OSBPL10: variants seen among roughly 807,000 people sequenced by gnomAD.
OSBPL10 encodes oxysterol binding protein like 10.
Under a neutral mutation model 81.7 loss-of-function variants are expected in OSBPL10, and 49 were observed. That is an observed-to-expected ratio of 0.60 (90% CI 0.48 to 0.76). OSBPL10 has a LOEUF of 0.76. OSBPL10 is among the 30% of genes least tolerant of loss of function. The pLI, the probability that OSBPL10 is intolerant of heterozygous loss-of-function variation, is 0.00. For synonymous variants in OSBPL10, 419 were observed against 383.6 expected, an observed-to-expected ratio of 1.09 and a Z score of -1.08; for missense variants, 923 against 987.8, an observed-to-expected ratio of 0.93 and a Z score of 0.88.
At chr3:31,901,016 T>C (rs1163549884) in intron 1 of OSBPL10, among the ~76,000 whole-genome samples, 1 of 152,250 alleles carries the variant, frequency 6.6e-6, no homozygotes, top group Non-Finnish European at 1.5e-5. Flanking sequence ...GCAACTCTAC[T>C]GTAAATCTAA....
intron 8 of OSBPL10, among the ~76,000 whole-genome samples, chr3:31,677,832 A>AG (rs953529482): frequency 9.9e-5 from 15 of 152,084 alleles, no homozygotes; most frequent in Admixed American, 7.2e-4. Flanking sequence ...CTGTAATCCC[A>AG]GCACTTTGGG....
chr3:31,942,681 C>T (rs1171964818), intron 1 of OSBPL10, among the ~76,000 whole-genome samples: 1 of 151,890 alleles, frequency 6.6e-6, no homozygotes, highest in Admixed American at 6.6e-5. Context: ...ATTTAAAGCA[C>T]AGGCATGTCT....
rs895171120 is a variant in OSBPL10 at position 31,940,619 on chromosome 3, C to A, written c.281+40280G>T. Among the ~76,000 whole-genome samples the A allele has an allele frequency of 3.3e-5, 5 of 152,262 alleles. No individual in the cohort carries two copies. In the East Asian group the frequency reaches 9.7e-4, roughly 29 times the overall value. On this transcript the variant is annotated intron_variant, in intron 1 of 11. Transcript: ENST00000396556. Reference sequence around the variant, plus strand: ...ATTCTCTGTACTCCTTCTTCGTCACCTTCCTTCACAGGCTACCCTGCTCTC... The same window carrying A: ...ATTCTCTGTACTCCTTCTTCGTCACATTCCTTCACAGGCTACCCTGCTCTC...
intron 4 of OSBPL10, among the ~76,000 whole-genome samples, chr3:31,755,381 A>T (rs376235385): frequency 6.6e-6 from 1 of 152,358 alleles, no homozygotes; most frequent in East Asian, 1.9e-4. Context: ...AAGCAGATCT[A>T]ACTGGCCGGT....
rs538118130 is a variant in OSBPL10 at position 31,825,045 on chromosome 3, G to A, written c.729+4995C>T. On this transcript the variant is annotated intron_variant, in intron 4 of 11. Coordinates refer to ENST00000396556, the MANE Select transcript of OSBPL10 (RefSeq NM_017784.5). Reference sequence around the variant, plus strand: ...GAAGGGGCACTGAGGGTTGGGGGATGGAGGAGTGCACACTGCAGGAAGCTG... The same window carrying A: ...GAAGGGGCACTGAGGGTTGGGGGATAGAGGAGTGCACACTGCAGGAAGCTG... 9.2e-5 allele frequency among the ~76,000 whole-genome samples: 14 copies of A among 152,274 alleles called. 1 individual carries two copies. Among genetic ancestry groups the A allele is most frequent in the African/African-American group, 3.4e-4 (14 of 41,572 alleles).
rs957968393 is a variant in OSBPL10 at position 32,065,322 on chromosome 3, G to A, written n.185+12074C>T. 3.2e-5 allele frequency: 3 copies of A among 93,652 alleles called. 1 individual carries two copies. The highest frequency in any genetic ancestry group is 8.6e-5 in the Non-Finnish European group (3 of 34,978). 5.8% of individuals were successfully genotyped at this position (93,652 alleles called of 1,614,324 possible). On this transcript the variant is annotated intron_variant and non_coding_transcript_variant, in intron 1 of 3. Coordinates refer to the OSBPL10 transcript ENST00000479173. Reference sequence around the variant, plus strand: ...CATTTTCAGGCTTTCCACTTCTGGAGAGCTTGAATCTTGTAATCATGTCAT... The same window carrying A: ...CATTTTCAGGCTTTCCACTTCTGGAAAGCTTGAATCTTGTAATCATGTCAT...
chr3:31,871,295 C>T (rs1355365727), intron 3 of OSBPL10, among the ~76,000 whole-genome samples: 1 of 152,016 alleles, frequency 6.6e-6, no homozygotes, highest in Non-Finnish European at 1.5e-5. Flanking sequence ...AGGAACAACT[C>T]CAGATGCGCC....
At chr3:31,689,328 A>T (rs1026791919) in intron 7 of OSBPL10, among the ~76,000 whole-genome samples, 14 of 152,286 alleles carry the variant, frequency 9.2e-5, no homozygotes, top group African/African-American at 3.4e-4. Flanking sequence ...GCCATAAAGG[A>T]CATGATTGGG....
rs1559413857 is a variant in OSBPL10 at position 31,683,629 on chromosome 3, C to T, written c.1726+5G>A. ...AGCCAAACTCCAACATACGACATGG[C>T]TTACCTTCCCCTATCATAGAGACCC... On this transcript the variant is annotated splice_donor_5th_base_variant and intron_variant, in intron 8 of 11. Transcript: ENST00000396556. The T allele has an allele frequency of 1.9e-6, 3 of 1,605,008 alleles. No individual in the cohort carries two copies. Among genetic ancestry groups the T allele is most frequent in the East Asian group, 2.2e-5 (1 of 44,628 alleles).
chr3:31,775,597 G>A (rs1698527277), intron 4 of OSBPL10, among the ~76,000 whole-genome samples: 1 of 152,136 alleles, frequency 6.6e-6, no homozygotes, highest in African/African-American at 2.4e-5. Flanking sequence ...TGTGGATGCT[G>A]AAATCACCAA....
intron 4 of OSBPL10, among the ~76,000 whole-genome samples, chr3:31,820,792 C>CTTTAACTCCT (rs1699965517): frequency 6.6e-6 from 1 of 152,062 alleles, no homozygotes; most frequent in African/African-American, 2.4e-5. Context: ...GGAGATGGTG[C>CTTTAACTCCT]AAGGTGAGAA....
chr3:31,902,898 G>A (rs1289589110), intron 1 of OSBPL10, among the ~76,000 whole-genome samples: 1 of 152,114 alleles, frequency 6.6e-6, no homozygotes, highest in African/African-American at 2.4e-5. Context: ...ACCCTTCTAT[G>A]GAGTCTGATT....
chr3:31,663,603 T>C (rs3792555), intron 11 of OSBPL10: 201,929 of 1,032,584 alleles, frequency 0.2, 20,126 homozygotes, highest in African/African-American at 0.28. Context: ...TTCCCCTGCA[T>C]GACTAGCCCT....
intron 4 of OSBPL10, among the ~76,000 whole-genome samples, chr3:31,818,285 A>G (rs564612291): frequency 3.2e-4 from 49 of 152,278 alleles, no homozygotes; most frequent in Non-Finnish European, 5.6e-4. Flanking sequence ...CTTGAGCAAG[A>G]AGCAATTATG....
intron 1 of OSBPL10, among the ~76,000 whole-genome samples, chr3:31,926,510 T>A (rs1373968972): frequency 6.6e-6 from 1 of 152,122 alleles, no homozygotes; most frequent in African/African-American, 2.4e-5. Context: ...CGCTTCCTCA[T>A]GAGATTACTA....
chr3:31,835,886 T>C (rs1436138809), intron 3 of OSBPL10, among the ~76,000 whole-genome samples: 1 of 152,214 alleles, frequency 6.6e-6, no homozygotes, highest in Non-Finnish European at 1.5e-5. Flanking sequence ...TTGAGGGCCT[T>C]AAAATTAGCT....
intron 2 of OSBPL10, among the ~76,000 whole-genome samples, chr3:32,037,168 G>A (rs544070079): frequency 2.6e-5 from 4 of 152,306 alleles, no homozygotes; most frequent in South Asian, 4.1e-4. Flanking sequence ...TACGTACCCC[G>A]TGTGACAGAG....
intron 2 of OSBPL10, among the ~76,000 whole-genome samples, chr3:32,022,781 A>G (rs190394897): frequency 1.3e-3 from 198 of 152,274 alleles, no homozygotes; most frequent in Middle Eastern, 0.01. Flanking sequence ...GCTGCAAAAA[A>G]AAAAAATTCT....
chr3:31,923,176 C>T (rs1289190811), intron 1 of OSBPL10, among the ~76,000 whole-genome samples: 1 of 152,100 alleles, frequency 6.6e-6, no homozygotes, highest in Non-Finnish European at 1.5e-5. Context: ...AGGCAAGTAG[C>T]CAAATCCTAC....
Sources: allele counts gnomAD v4.1 joint callset (sites outside exome capture counted in the v4.1 genomes callset), GRCh38; gene constraint gnomAD v4.1.1; transcripts MANE v1.5; gene names NCBI Gene and HGNC (gene_info 2026-07-23, HGNC 2026-07-21).